Variants in SBF2 observed in about 807,000 individuals in gnomAD.
SBF2 encodes the protein SET binding factor 2.
In SBF2, 112 loss-of-function variants were observed where a neutral mutation model predicts 225.2. That is an observed-to-expected ratio of 0.50 (90% confidence interval 0.43 to 0.58). SBF2 has a LOEUF of 0.58. Among genes scored for constraint, SBF2 ranks in the 20% least tolerant of loss-of-function variants. SBF2 has a pLI of 0.00. For missense variants in SBF2, 1,996 were observed against 2,206.2 expected (o/e 0.90, Z 1.91); for synonymous variants, 763 against 773.3 (o/e 0.99, Z 0.22).
chr11:9,951,685 G>A (rs558465599), intron 16 of SBF2, among the ~76,000 whole-genome samples: 116 of 152,264 alleles, frequency 7.6e-4, no homozygotes, highest in African/African-American at 2.6e-3. Context: ...CCAGTTTCAC[G>A]GACAAATAAA....
intron 2 of SBF2, among the ~76,000 whole-genome samples, chr11:10,054,066 T>C (rs2134726201): frequency 6.6e-6 from 1 of 152,330 alleles, no homozygotes; most frequent in East Asian, 1.9e-4. Flanking sequence ...AATAAGCAGC[T>C]TTTGATAAAG....
intron 6 of SBF2, among the ~76,000 whole-genome samples, chr11:10,011,555 G>A (rs763249686): frequency 7.2e-5 from 11 of 152,164 alleles, no homozygotes; most frequent in Admixed American, 5.9e-4. Context: ...GTCTACTAGC[G>A]ATAAATCTGT....
chr11:9,805,829 G>A (rs112589225), intron 32 of SBF2, among the ~76,000 whole-genome samples: 6,468 of 152,098 alleles, frequency 0.043, 158 homozygotes, highest in Middle Eastern at 0.054. Flanking sequence ...TCACCATGTT[G>A]GCCAGGATGG....
At chr11:10,211,012 C>A (rs1274286417) in intron 1 of SBF2, among the ~76,000 whole-genome samples, 2 of 1,150 alleles carry the variant, frequency 1.7e-3, no homozygotes, top group African/African-American at 2.6e-3. Context: ...AGACTCTTGA[C>A]TCAAAAAAAA....
At chr11:9,858,646 T>C (rs1857494179) in intron 17 of SBF2, among the ~76,000 whole-genome samples, 1 of 152,210 alleles carries the variant, frequency 6.6e-6, no homozygotes, top group Non-Finnish European at 1.5e-5. Context: ...AAATCAAAGC[T>C]GTTATTATAT....
intron 2 of SBF2, among the ~76,000 whole-genome samples, chr11:10,048,548 T>G (rs1003007435): frequency 6.6e-6 from 1 of 152,208 alleles, no homozygotes; most frequent in South Asian, 2.1e-4. Flanking sequence ...GCATTATATA[T>G]GCCAAACATA....
chr11:9,925,989 G>C (rs1194458621), intron 16 of SBF2, among the ~76,000 whole-genome samples: 1 of 152,136 alleles, frequency 6.6e-6, no homozygotes, highest in African/African-American at 2.4e-5. Context: ...ATTAGTTATA[G>C]ATAAAAGAGA....
In SBF2 at chr11:9,811,904, C is replaced by T. The variant is rs1000695468; in HGVS notation, c.4155+628G>A. Among the ~76,000 whole-genome samples the T allele has an allele frequency of 4.0e-5, 6 of 151,782 alleles. 1 individual carries two copies. Among genetic ancestry groups the T allele is most frequent in the Non-Finnish European group, 7.4e-5 (5 of 67,910 alleles). On this transcript the variant is annotated intron_variant, in intron 30 of 39. Transcript: ENST00000256190. ...GTCAAGGTGGGAGGATTACTTGAGG[C>T]CAGGAGTTCAAGACCAGCCTGGGCA...
At chr11:10,235,157 ATAAC>A (rs1276125352) in intron 1 of SBF2, among the ~76,000 whole-genome samples, 1 of 152,246 alleles carries the variant, frequency 6.6e-6, no homozygotes, top group Non-Finnish European at 1.5e-5. Context: ...TATTGAATAA[ATAAC>A]TAATTTACAC....
chr11:10,137,011 T>A (rs1281442139), intron 2 of SBF2, among the ~76,000 whole-genome samples: 1 of 152,218 alleles, frequency 6.6e-6, no homozygotes, highest in African/African-American at 2.4e-5. Flanking sequence ...GGAATTAGCA[T>A]CTTTACTGTA....
intron 2 of SBF2, among the ~76,000 whole-genome samples, chr11:10,106,948 A>T (rs1227958396): frequency 6.6e-6 from 1 of 152,204 alleles, no homozygotes; most frequent in Non-Finnish European, 1.5e-5. Flanking sequence ...GACAAATGGA[A>T]ATTAAAACCA....
At position 10,272,150 on chromosome 11, in the gene SBF2, T is replaced by C; in HGVS notation, c.55+21865A>G. On this transcript the variant is annotated intron_variant, in intron 1 of 39. Coordinates refer to ENST00000256190, the MANE Select transcript of SBF2 (RefSeq NM_030962.4). ...CTTGCAGGCATTCTGCATACAGTACTGTTGAAGCTCTGCAGCTGCCTGAGA... is the reference window on the plus strand; with the variant it reads ...CTTGCAGGCATTCTGCATACAGTACCGTTGAAGCTCTGCAGCTGCCTGAGA... 66 of 1,132,984 alleles carry C rather than the reference T, an allele frequency of 5.8e-5. 25 individuals are homozygous for C. The South Asian group carries it at 9.6e-4, about 16-fold the overall frequency. The allele number at this position is 1,132,984 out of a possible 1,614,324, so 70.2% of individuals were successfully genotyped here.
chr11:10,176,417 G>A (rs1956465834), intron 2 of SBF2, among the ~76,000 whole-genome samples: 1 of 151,574 alleles, frequency 6.6e-6, no homozygotes, highest in African/African-American at 2.4e-5. Flanking sequence ...TTTTTTGAAA[G>A]GATCAACAAA....
chr11:9,923,355 G>C (rs1478717318), intron 16 of SBF2, among the ~76,000 whole-genome samples: 1 of 152,156 alleles, frequency 6.6e-6, no homozygotes, highest in Non-Finnish European at 1.5e-5. Flanking sequence ...GGCGTGCTGA[G>C]TTCTACAATG....
chr11:9,880,932 G>GA (rs1357407044), intron 17 of SBF2, among the ~76,000 whole-genome samples: 3 of 152,148 alleles, frequency 2.0e-5, no homozygotes, highest in African/African-American at 7.2e-5. Flanking sequence ...TAAGAAGGAG[G>GA]AAAAGGAAAC....
intron 1 of SBF2, among the ~76,000 whole-genome samples, chr11:10,235,085 G>A (rs1161457435): frequency 1.3e-5 from 2 of 152,132 alleles, no homozygotes; most frequent in African/African-American, 4.8e-5. Context: ...CTTCCTTACG[G>A]TACTTATAAA....
At chr11:10,231,899 C>G (rs1044888856) in intron 1 of SBF2, among the ~76,000 whole-genome samples, 2 of 152,236 alleles carry the variant, frequency 1.3e-5, no homozygotes, top group Non-Finnish European at 2.9e-5. Flanking sequence ...GTGCCTTGCC[C>G]CCAGAGGTGG....
chr11:9,849,238 G>A (rs546185535), intron 22 of SBF2, among the ~76,000 whole-genome samples: 139 of 152,164 alleles, frequency 9.1e-4, no homozygotes, highest in Non-Finnish European at 1.5e-3. Context: ...AAGAACCACT[G>A]AATTATCACC....
chr11:10,114,992 C>T (rs1052665279), intron 2 of SBF2, among the ~76,000 whole-genome samples: 1 of 152,300 alleles, frequency 6.6e-6, no homozygotes, highest in Non-Finnish European at 1.5e-5. Context: ...AGCCAGGCTC[C>T]AGGAGCTCTC....
Sources: allele counts gnomAD v4.1 joint callset (sites outside exome capture counted in the v4.1 genomes callset), GRCh38; gene constraint gnomAD v4.1.1; transcripts MANE v1.5; gene names NCBI Gene and HGNC (gene_info 2026-07-23, HGNC 2026-07-21).